The following CCDC171 variants were observed in gnomAD, a reference collection of about 807,000 sequenced individuals.
CCDC171 encodes the protein coiled-coil domain containing 171.
A neutral mutation model predicts 168.2 loss-of-function variants in CCDC171; 177 were observed. That is an observed-to-expected ratio of 1.05 (90% CI 0.93 to 1.19). The LOEUF is 1.19. CCDC171 is among the 50% of genes most tolerant of loss of function. The pLI, the probability that CCDC171 is intolerant of heterozygous loss-of-function variation, is 0.00. For synonymous variants in CCDC171, 687 were observed against 540.8 expected (o/e 1.27, Z -3.75); for missense variants, 1,991 against 1,539.0 (o/e 1.29, Z -4.91).
intron 3 of CCDC171, among the ~76,000 whole-genome samples, chr9:15,983,682 A>T (rs1384924947): frequency 6.6e-6 from 1 of 152,144 alleles, no homozygotes; most frequent in Non-Finnish European, 1.5e-5. Context: ...CACTGCTGCC[A>T]GATAATTGTG....
chr9:16,097,130 C>T, the CCDC171 span, among the ~76,000 whole-genome samples: 1,985 of 152,224 alleles, frequency 0.013, 43 homozygotes, highest in African/African-American at 0.045. Flanking sequence ...AGCTGAAACC[C>T]AACCCATGAG....
intron 20 of CCDC171, 137 bp from the exon 21 acceptor site, chr9:15,784,372 A>C (rs2057826947): frequency 2.0e-6 from 1 of 492,838 alleles, no homozygotes. Flanking sequence ...TATGCAATTA[A>C]GAAAAGCTAA....
intron 3 of CCDC171, among the ~76,000 whole-genome samples, chr9:15,994,160 G>A (rs1295951042): frequency 2.6e-5 from 4 of 151,026 alleles, no homozygotes; most frequent in South Asian, 2.1e-4. Flanking sequence ...CAGTATAATC[G>A]CAATAGCAAA....
chr9:16,083,500 T>C, the CCDC171 span, among the ~76,000 whole-genome samples: 1 of 152,234 alleles, frequency 6.6e-6, no homozygotes, highest in Admixed American at 6.5e-5. Context: ...CATTTAAATA[T>C]ATTCCATTGA....
chr9:15,708,272 T>A (rs2052395546), intron 11 of CCDC171, among the ~76,000 whole-genome samples: 1 of 152,232 alleles, frequency 6.6e-6, no homozygotes, highest in African/African-American at 2.4e-5. Flanking sequence ...ATACTAATGA[T>A]TGCACAGAAA....
chr9:15,636,859 C>T (rs2046238538), intron 7 of CCDC171, among the ~76,000 whole-genome samples: 1 of 150,370 alleles, frequency 6.7e-6, no homozygotes, highest in African/African-American at 2.4e-5. Flanking sequence ...TCTATCATCA[C>T]TAAAAACATT....
chr9:15,707,531 T>C (rs879372402), intron 11 of CCDC171, among the ~76,000 whole-genome samples: 22 of 152,182 alleles, frequency 1.4e-4, no homozygotes, highest in Admixed American at 1.4e-3. Flanking sequence ...TCTTTTGTAG[T>C]CTTCTTGTTC....
intron 20 of CCDC171, among the ~76,000 whole-genome samples, chr9:15,781,449 G>A (rs906688943): frequency 6.6e-6 from 1 of 152,088 alleles, no homozygotes; most frequent in Non-Finnish European, 1.5e-5. Context: ...ATGGAGTCTC[G>A]CTCTGTCACC....
intron 20 of CCDC171, among the ~76,000 whole-genome samples, chr9:15,779,898 A>G (rs1340902657): frequency 6.6e-6 from 1 of 152,232 alleles, no homozygotes; most frequent in Non-Finnish European, 1.5e-5. Flanking sequence ...TTCTGTTTGC[A>G]GTTGGGATAG....
At chr9:15,970,406 T>G (rs891880154) in intron 25 of CCDC171, among the ~76,000 whole-genome samples, 3 of 152,292 alleles carry the variant, frequency 2.0e-5, no homozygotes, top group Admixed American at 1.3e-4. Flanking sequence ...TTTTTTTTTT[T>G]TTAAAACCCT....
chr9:15,623,220 T>C (rs201103188), intron 6 of CCDC171, 47 bp from the exon 7 acceptor site: 826 of 1,444,354 alleles, frequency 5.7e-4, no homozygotes, highest in Non-Finnish European at 7.0e-4. Context: ...CTCTTAGTCA[T>C]TGATGGCTTA....
intron 6 of CCDC171, among the ~76,000 whole-genome samples, chr9:16,024,164 T>C (rs1219056454): frequency 6.6e-6 from 1 of 152,104 alleles, no homozygotes; most frequent in Non-Finnish European, 1.5e-5. Context: ...GTCTACACCT[T>C]GATTTTAGCC....
Position 15,553,154 on chromosome 9 carries a change from T to TC in CCDC171, c.-255dup, listed in dbSNP as rs2038476399. ...CCCTTCTGTACCCCTTTGCTGTTTG[T>TC]CCCCCTCCTCCCGGGTCCTGGAGTC... On this transcript the variant is annotated 5_prime_UTR_variant, in exon 1 of 26. Coordinates refer to ENST00000380701, the MANE Select transcript of CCDC171 (RefSeq NM_173550.4). The TC allele has an allele frequency of 6.6e-6, 1 of 152,542 alleles. No individual in the cohort carries two copies. Among genetic ancestry groups the TC allele is most frequent in the African/African-American group, 2.4e-5 (1 of 41,438 alleles). The allele number at this position is 152,542 out of a possible 1,614,324, so 9.4% of individuals were successfully genotyped here.
intron 7 of CCDC171, among the ~76,000 whole-genome samples, chr9:15,627,635 A>T (rs2045274247): frequency 6.6e-6 from 1 of 152,134 alleles, no homozygotes; most frequent in Admixed American, 6.5e-5. Context: ...GTTTTGAATG[A>T]GTTTCTTAAT....
At chr9:15,766,154 T>C (rs1393604361) in intron 18 of CCDC171, among the ~76,000 whole-genome samples, 1 of 152,146 alleles carries the variant, frequency 6.6e-6, no homozygotes, top group African/African-American at 2.4e-5. Context: ...AGCATTAGCC[T>C]AGGTCACTCT....
chr9:15,645,497 G>A (rs1291054938), intron 7 of CCDC171, among the ~76,000 whole-genome samples: 1 of 152,098 alleles, frequency 6.6e-6, no homozygotes, highest in Non-Finnish European at 1.5e-5. Flanking sequence ...TAAAAATGTT[G>A]AAAAAAGGTT....
chr9:15,605,296 A>G (rs527480377), intron 6 of CCDC171, among the ~76,000 whole-genome samples: 100 of 152,196 alleles, frequency 6.6e-4, no homozygotes, highest in Admixed American at 6.5e-3. Context: ...AGCAAGGAGC[A>G]TTTCTTTTCT....
the CCDC171 span, among the ~76,000 whole-genome samples, chr9:16,075,946 T>C: frequency 6.6e-6 from 1 of 152,356 alleles, no homozygotes; most frequent in African/African-American, 2.4e-5. Flanking sequence ...CACACTGTTT[T>C]ATGAAACTTT....
At chr9:15,596,825 CAGTGGT>C (rs1473005858) in intron 6 of CCDC171, among the ~76,000 whole-genome samples, 1 of 152,064 alleles carries the variant, frequency 6.6e-6, no homozygotes, top group Non-Finnish European at 1.5e-5. Flanking sequence ...TTTTGTTGAG[CAGTGGT>C]TTGTAGTTCT....
Sources: gnomAD v4.1 joint callset for allele counts (sites outside exome capture counted in the v4.1 genomes callset) on GRCh38, gnomAD v4.1.1 for gene constraint, MANE v1.5 for transcripts, NCBI Gene and HGNC (gene_info 2026-07-23, HGNC 2026-07-21) for gene names.